Variants in SECISBP2 observed in about 807,000 individuals in gnomAD.
SECISBP2 encodes SECIS binding protein 2, also known as selenocysteine insertion sequence-binding protein 2.
In SECISBP2, 96 loss-of-function variants were observed where a neutral mutation model predicts 98.2. The ratio of observed to expected loss-of-function variants is 0.98; its 90% CI spans 0.83 to 1.16. The LOEUF is 1.16. SECISBP2 is among the 50% of genes most tolerant of loss of function. The pLI, the probability that SECISBP2 is intolerant of heterozygous loss-of-function variation, is 0.00. For missense variants in SECISBP2, 1,046 were observed against 1,022.9 expected (o/e 1.02, Z -0.31); for synonymous variants, 407 against 370.2 (o/e 1.10, Z -1.14).
intron 9 of SECISBP2, 66 bp downstream of exon 9, chr9:89,340,019 A>G: frequency 8.6e-7 from 1 of 1,163,276 alleles, no homozygotes. Flanking sequence ...TAAATGCTTG[A>G]GAAAAACTGC....
chr9:89,339,471 C>T (rs932813687), intron 8 of SECISBP2, among the ~76,000 whole-genome samples: 4 of 152,142 alleles, frequency 2.6e-5, no homozygotes, highest in Non-Finnish European at 4.4e-5. Context: ...GGCCTGTTGC[C>T]TTTGGCTCCA....
intron 4 of SECISBP2, among the ~76,000 whole-genome samples, chr9:89,327,059 G>T (rs1317310574): frequency 6.6e-6 from 1 of 152,074 alleles, no homozygotes; most frequent in Non-Finnish European, 1.5e-5. Flanking sequence ...CTACTCGGGA[G>T]GCTGAGGCAG....
intron 9 of SECISBP2, among the ~76,000 whole-genome samples, chr9:89,340,524 C>T (rs776935715): frequency 2.6e-4 from 40 of 151,828 alleles, no homozygotes; most frequent in Non-Finnish European, 5.0e-4. Flanking sequence ...TTAAAGGGGG[C>T]TGTTGTTTTC....
intron 5 of SECISBP2, 92 bp from the exon 6 acceptor site, chr9:89,332,816 G>A: frequency 1.0e-6 from 1 of 1,000,498 alleles, no homozygotes. Flanking sequence ...AAGGATTTCT[G>A]TTGTCAAAGT....
chr9:89,353,735 T>C (rs1319684277), intron 14 of SECISBP2, among the ~76,000 whole-genome samples: 1 of 152,220 alleles, frequency 6.6e-6, no homozygotes, highest in Non-Finnish European at 1.5e-5. Flanking sequence ...AAGGTGGAAA[T>C]GTATGCCCTT....
chr9:89,331,090 T>C (rs1187281675), intron 5 of SECISBP2, among the ~76,000 whole-genome samples: 2 of 152,214 alleles, frequency 1.3e-5, no homozygotes, highest in East Asian at 1.9e-4. Flanking sequence ...AATATATATA[T>C]TTGTCTGAAA....
At position 89,328,792 on chromosome 9, in the gene SECISBP2, T is replaced by C. The variant is rs1265463647; in HGVS notation, c.707T>C (p.Ile236Thr). Reference sequence around the variant, plus strand: ...GGTGCAGAGAACAATATGTCAGAGATACAGAAGCAACCCAAGTGGGGACCT... The same window carrying C: ...GGTGCAGAGAACAATATGTCAGAGACACAGAAGCAACCCAAGTGGGGACCT... ...LQGAENNMSE[I>T]QKQPKWGPVH... Residue 236 changes from isoleucine (I) to threonine (T), a missense_variant, in exon 5 of 17, where the codon ATA (isoleucine) becomes ACA (threonine). By Grantham distance (89) the Ile-to-Thr change is moderately conservative (BLOSUM62 -1). Transcript: ENST00000375807. 1 of 1,614,256 alleles carries C rather than the reference T, an allele frequency of 6.2e-7. No homozygotes were observed. The highest frequency in any genetic ancestry group is 8.5e-7 in the Non-Finnish European group (1 of 1,180,036).
intron 7 of SECISBP2, among the ~76,000 whole-genome samples, chr9:89,335,806 G>A (rs572041686): frequency 4.6e-5 from 7 of 152,182 alleles, no homozygotes; most frequent in South Asian, 2.1e-4. Flanking sequence ...TAGACATATC[G>A]ACTTAAAATA....
intron 13 of SECISBP2, 95 bp downstream of exon 13, chr9:89,350,024 C>A: frequency 1.4e-6 from 2 of 1,436,060 alleles, no homozygotes; most frequent in Non-Finnish European, 1.9e-6. Flanking sequence ...TGTTGCTGGG[C>A]CACACTGTGC....
intron 2 of SECISBP2, 25 bp from the exon 3 acceptor site, chr9:89,325,402 A>G: frequency 1.9e-6 from 3 of 1,611,776 alleles, no homozygotes; most frequent in South Asian, 1.1e-5. Flanking sequence ...GAAATCTGCA[A>G]CTAAAGTTTA....
chr9:89,357,968 T>C lies in SECISBP2; in HGVS notation c.2269-31T>C, dbSNP rs751589345. 2.5e-6 allele frequency: 4 copies of C among 1,610,676 alleles called. No homozygotes were observed. In the South Asian group the frequency reaches 4.4e-5, roughly 18 times the overall value. On this transcript the variant is annotated intron_variant, in intron 15 of 16. Transcript: ENST00000375807. The stretch of plus-strand genomic sequence containing the variant: ...GGACCCGTGTCCTCTGTAGCTGGGA[T>C]GTTACCTGTGTGCTCTCACTTGTGC...
intron 15 of SECISBP2, 22 bp downstream of exon 15, chr9:89,357,587 C>T (rs1278426613): frequency 1.9e-6 from 3 of 1,612,222 alleles, no homozygotes; most frequent in Non-Finnish European, 2.5e-6. Context: ...GGGCACAGGC[C>T]TCTTCAGTCA....
intron 7 of SECISBP2, among the ~76,000 whole-genome samples, chr9:89,337,927 G>A (rs998644602): frequency 6.6e-6 from 1 of 152,270 alleles, no homozygotes; most frequent in Non-Finnish European, 1.5e-5. Context: ...AGGGGCTTCA[G>A]TGCAAAGGCC....
chr9:89,328,159 TAAAC>T (rs1391747057), intron 4 of SECISBP2, among the ~76,000 whole-genome samples: 2 of 152,342 alleles, frequency 1.3e-5, no homozygotes, highest in African/African-American at 2.4e-5. Flanking sequence ...GTATAATACA[TAAAC>T]AAGTGACATA....
downstream of SECISBP2, chr9:89,364,313 T>G: frequency 2.8e-6 from 1 of 362,820 alleles, no homozygotes; most frequent in Non-Finnish European, 5.4e-6. Context: ...GCCACACACA[T>G]GTCCTGTGAC....
At chr9:89,320,355 CAAAAAAAAAAAA>C (rs776426275) in intron 2 of SECISBP2, among the ~76,000 whole-genome samples, 1 of 51,960 alleles carries the variant, frequency 1.9e-5, no homozygotes, top group Non-Finnish European at 4.0e-5. Context: ...GACTCTGTCT[CAAAAAAAAAAAA>C]AAAAAAAAAA....
chr9:89,329,395 C>T (rs571175475), intron 5 of SECISBP2: 8 of 166,684 alleles, frequency 4.8e-5, no homozygotes, highest in Non-Finnish European at 9.1e-5. Flanking sequence ...GGATTACAGG[C>T]GTGAGCCACC....
intron 7 of SECISBP2, among the ~76,000 whole-genome samples, chr9:89,335,949 G>C (rs1360281456): frequency 1.3e-5 from 2 of 152,072 alleles, no homozygotes; most frequent in Non-Finnish European, 2.9e-5. Context: ...AAGAGTACTA[G>C]TAGCAAAATA....
downstream of SECISBP2, chr9:89,363,399 C>G: frequency 3.7e-6 from 6 of 1,607,256 alleles, no homozygotes; most frequent in South Asian, 1.1e-5. Flanking sequence ...GGCTCCAGCC[C>G]TCCTTTCTTT....
Sources: gnomAD v4.1 joint callset for allele counts (sites outside exome capture counted in the v4.1 genomes callset) on GRCh38, gnomAD v4.1.1 for gene constraint, MANE v1.5 for transcripts, NCBI Gene and HGNC (gene_info 2026-07-23, HGNC 2026-07-21) for gene names.